AKAP13: variants seen among roughly 807,000 people sequenced by gnomAD.
AKAP13 encodes A-kinase anchoring protein 13, also known as A-kinase anchor protein 13.
Under a neutral mutation model 264.5 loss-of-function variants are expected in AKAP13, and 80 were observed. The observed-to-expected ratio is 0.30, with a 90% confidence interval of 0.25 to 0.36. AKAP13 has a LOEUF of 0.36. Among genes scored for constraint, AKAP13 ranks in the 10% least tolerant of loss-of-function variants. The pLI is 1.00. For synonymous variants in AKAP13, 1,380 were observed against 1,250.2 expected, an observed-to-expected ratio of 1.10 and a Z score of -2.19; for missense variants, 3,712 against 3,435.2, an observed-to-expected ratio of 1.08 and a Z score of -2.01.
intron 32 of AKAP13, among the ~76,000 whole-genome samples, 177 bp downstream of exon 32, chr15:85,735,807 A>G (rs1464880631): frequency 6.6e-6 from 1 of 152,178 alleles, no homozygotes; most frequent in Non-Finnish European, 1.5e-5. Flanking sequence ...GCTCCACATT[A>G]TTGGCTGTTT....
At chr15:85,540,953 A>G (rs1010459502) in intron 4 of AKAP13, among the ~76,000 whole-genome samples, 9 of 152,246 alleles carry the variant, frequency 5.9e-5, no homozygotes, top group Admixed American at 5.9e-4. Flanking sequence ...ATATTCTATA[A>G]TTTCATCTAT....
At chr15:85,738,408 A>G (rs905929275) in intron 33 of AKAP13, among the ~76,000 whole-genome samples, 3 of 152,102 alleles carry the variant, frequency 2.0e-5, no homozygotes, top group African/African-American at 7.2e-5. Flanking sequence ...AAAAAAAAGA[A>G]TAAGGGGTAA....
chr15:85,735,192 A>T, intron 31 of AKAP13, 42 bp downstream of exon 31: 5 of 1,585,408 alleles, frequency 3.2e-6, no homozygotes, highest in Non-Finnish European at 4.3e-6. Context: ...GCAATCCTTG[A>T]CTATCTCACA....
At chr15:85,637,535 C>T (rs1180228868) in intron 8 of AKAP13, among the ~76,000 whole-genome samples, 1 of 151,954 alleles carries the variant, frequency 6.6e-6, no homozygotes, top group Non-Finnish European at 1.5e-5. Context: ...TTTGATTAGC[C>T]TCGCCAGAGT....
At chr15:85,600,486 A>C (rs2080011375) in intron 8 of AKAP13, among the ~76,000 whole-genome samples, 1 of 152,218 alleles carries the variant, frequency 6.6e-6, no homozygotes, top group African/African-American at 2.4e-5. Flanking sequence ...TTTTAGATAT[A>C]CACAATTACT....
At chr15:85,623,973 AC>A (rs1180092565) in intron 8 of AKAP13, among the ~76,000 whole-genome samples, 1 of 152,136 alleles carries the variant, frequency 6.6e-6, no homozygotes, top group Admixed American at 6.5e-5. Context: ...GAAGTTGGTA[AC>A]TGATGGGAGC....
intron 5 of AKAP13, among the ~76,000 whole-genome samples, chr15:85,560,507 G>A (rs774281871): frequency 7.9e-5 from 12 of 152,186 alleles, no homozygotes; most frequent in East Asian, 1.9e-4. Context: ...ACCTGCATAA[G>A]ACAGGTTTAT....
intron 3 of AKAP13, among the ~76,000 whole-genome samples, chr15:85,525,928 T>G (rs1567105880): frequency 6.6e-6 from 1 of 152,246 alleles, no homozygotes; most frequent in Admixed American, 6.5e-5. Context: ...TTTTGTATAC[T>G]ATTTTTGTAA....
At chr15:85,439,445 T>C (rs2073510833) in intron 1 of AKAP13, among the ~76,000 whole-genome samples, 1 of 151,954 alleles carries the variant, frequency 6.6e-6, no homozygotes, top group Non-Finnish European at 1.5e-5. Context: ...AGAAATACCA[T>C]TTGACCCAGC....
intron 6 of AKAP13, chr15:85,577,870 CAGTA>C (rs1355981877): frequency 1.0e-6 from 1 of 974,946 alleles, no homozygotes; most frequent in Non-Finnish European, 1.2e-6. Context: ...ACACTGAACT[CAGTA>C]AGTATTTAGG....
At chr15:85,435,442 T>C (rs2073237590) in intron 1 of AKAP13, among the ~76,000 whole-genome samples, 1 of 109,618 alleles carries the variant, frequency 9.1e-6, no homozygotes, top group Non-Finnish European at 1.8e-5. Context: ...CAGGCCAACG[T>C]TCAGATTCAG....
In AKAP13 at chr15:85,474,641, T is replaced by C. The variant is rs1022969288; in HGVS notation, c.-11-11069T>C. 1.4e-4 allele frequency among the ~76,000 whole-genome samples: 22 copies of C among 152,328 alleles called. 1 individual carries two copies. Among genetic ancestry groups the C allele is most frequent in the Admixed American group, 1.2e-3 (19 of 15,304 alleles). Reference sequence around the variant, plus strand: ...TGAAGTTTTCCTCATATCTGTAGAATTTTCACTTAATTATGACATATACAA... The same window carrying C: ...TGAAGTTTTCCTCATATCTGTAGAACTTTCACTTAATTATGACATATACAA... On this transcript the variant is annotated intron_variant, in intron 1 of 36. Transcript: ENST00000394518.
rs1296915816 is a variant in AKAP13 at position 85,727,709 on chromosome 15, T to C, written c.7087+246T>C. Reference sequence around the variant, plus strand: ...TCAAGAGAATATTGATTCTCTTGACTCAGGATCCGTGTTCTCAAACCTCAT... The same window carrying C: ...TCAAGAGAATATTGATTCTCTTGACCCAGGATCCGTGTTCTCAAACCTCAT... On this transcript the variant is annotated intron_variant, in intron 29 of 36. Coordinates refer to ENST00000394518, the MANE Select transcript of AKAP13 (RefSeq NM_007200.5). This position sits in a 1 kb window ranked among gnomAD's most constrained non-coding sequence, Gnocchi z 5.3. Among the ~76,000 whole-genome samples the C allele has an allele frequency of 6.6e-6, 1 of 152,200 alleles. No individual in the cohort carries two copies. Among genetic ancestry groups the C allele is most frequent in the Non-Finnish European group, 1.5e-5 (1 of 68,024 alleles).
At chr15:85,679,881 G>T (rs1567191287) in intron 14 of AKAP13, among the ~76,000 whole-genome samples, 1 of 152,128 alleles carries the variant, frequency 6.6e-6, no homozygotes, top group Non-Finnish European at 1.5e-5. Flanking sequence ...CTACCCTTAG[G>T]TGCTCTGAAA....
At chr15:85,566,379 T>C (rs2078605761) in intron 5 of AKAP13, among the ~76,000 whole-genome samples, 1 of 152,168 alleles carries the variant, frequency 6.6e-6, no homozygotes, top group African/African-American at 2.4e-5. Context: ...TTTCCTGCTT[T>C]TTTGCATCTA....
At chr15:85,685,080 C>G in intron 16 of AKAP13, 1 of 546,330 alleles carries the variant, frequency 1.8e-6, no homozygotes, top group Non-Finnish European at 3.1e-6. Context: ...TCACTATATG[C>G]TAAGTGCTTT....
chr15:85,457,378 CTT>C (rs963676427), intron 1 of AKAP13, among the ~76,000 whole-genome samples: 3 of 152,164 alleles, frequency 2.0e-5, no homozygotes, highest in African/African-American at 7.2e-5. Context: ...CTTTTAAACA[CTT>C]TTCTTTTTTA....
chr15:85,559,455 C>A (rs1227740871), intron 5 of AKAP13, among the ~76,000 whole-genome samples: 1 of 152,076 alleles, frequency 6.6e-6, no homozygotes, highest in Non-Finnish European at 1.5e-5. Context: ...AAGCGCATTA[C>A]ATTTATCATG....
intron 1 of AKAP13, among the ~76,000 whole-genome samples, chr15:85,423,395 C>A (rs1010322778): frequency 6.6e-6 from 1 of 152,244 alleles, no homozygotes; most frequent in Non-Finnish European, 1.5e-5. Context: ...GTCATTTCAA[C>A]AATGCACAGC....
Sources: gnomAD v4.1 joint callset for allele counts (sites outside exome capture counted in the v4.1 genomes callset) on GRCh38, gnomAD v4.1.1 for gene constraint, Gnocchi (gnomAD v3.1) non-coding constraint, MANE v1.5 for transcripts, NCBI Gene and HGNC (gene_info 2026-07-23, HGNC 2026-07-21) for gene names.